The following COG4 variants were observed in gnomAD, a reference collection of about 807,000 sequenced individuals.
COG4 encodes the protein conserved oligomeric Golgi complex subunit 4.
Under a neutral mutation model 95.1 loss-of-function variants are expected in COG4, and 65 were observed. The observed-to-expected ratio is 0.68, with a 90% CI of 0.56 to 0.84. The LOEUF is 0.84. COG4 is among the 40% of genes least tolerant of loss of function. COG4 has a pLI of 0.00. For missense variants in COG4, 1,045 were observed against 989.1 expected, an observed-to-expected ratio of 1.06 and a Z score of -0.76; for synonymous variants, 421 against 374.8, an observed-to-expected ratio of 1.12 and a Z score of -1.42.
chr16:70,490,453 T>C, intron 12 of COG4, 61 bp from the exon 13 acceptor site: 1 of 1,362,256 alleles, frequency 7.3e-7, no homozygotes, highest in East Asian at 2.3e-5. Flanking sequence ...CCCACTCCAA[T>C]GCCAGACTGG....
rs2049664395 is a variant in COG4 at position 70,509,960 on chromosome 16, C to T, written c.800G>A (p.Arg267Lys). 2 of 1,613,998 alleles carry T rather than the reference C, an allele frequency of 1.2e-6. No homozygotes were observed. The highest frequency in any genetic ancestry group is 3.3e-5 in the Admixed American group (2 of 59,990). Residue 267 changes from arginine to lysine, a missense_variant, in exon 6 of 19, where the codon AGA becomes AAA. Physicochemically the swap from Arg to Lys is conservative, Grantham distance 26. Transcript: ENST00000323786. ...MVLGTDMSDR[R>K]AAVIFADTLT... ...TGTATCTGCAAAGATGACTGCAGCT[C>T]TCCGATCACTCATGTCTGTCCCCAG...
intron 2 of COG4, 129 bp from the exon 3 acceptor site, chr16:70,517,869 C>A: frequency 1.5e-6 from 1 of 686,110 alleles, no homozygotes; most frequent in Non-Finnish European, 2.6e-6. Context: ...TCAGTTTGCT[C>A]TATACTCAGC....
intron 8 of COG4, 54 bp from the exon 9 acceptor site, chr16:70,501,145 A>T: frequency 6.3e-7 from 1 of 1,597,836 alleles, no homozygotes; most frequent in Non-Finnish European, 8.5e-7. Context: ...CTTAGACACA[A>T]GAGCTACAGG....
At chr16:70,491,381 C>T (rs1443433850) in intron 12 of COG4, among the ~76,000 whole-genome samples, 1 of 151,620 alleles carries the variant, frequency 6.6e-6, no homozygotes, top group African/African-American at 2.4e-5. Flanking sequence ...ATTAGCCAGG[C>T]GTGGTGGTGC....
chr16:70,506,241 C>CA lies in COG4; in HGVS notation c.1061+2164dup, dbSNP rs796526256. ...TAAAACCCTGTCTCTACTAAAAATA[C>CA]AAAAAAAAAAAATTAGCTGGGCATG... On this transcript the variant is annotated intron_variant, in intron 8 of 18. Transcript: ENST00000323786. 1.9e-3 allele frequency among the ~76,000 whole-genome samples: 264 copies of CA among 138,644 alleles called. 2 individuals carry two copies. Among genetic ancestry groups the CA allele is most frequent in the East Asian group, 0.011 (52 of 4,768 alleles). 91.0% of individuals were successfully genotyped at this position (138,644 alleles called of 152,430 possible).
At chr16:70,502,525 C>CA (rs1567383937) in intron 8 of COG4, among the ~76,000 whole-genome samples, 1 of 128,470 alleles carries the variant, frequency 7.8e-6, no homozygotes, top group Admixed American at 8.3e-5. Context: ...CGCTTGAACC[C>CA]GAGAGGCGGA....
chr16:70,520,084 C>G (rs908530146), intron 1 of COG4, among the ~76,000 whole-genome samples: 1 of 151,906 alleles, frequency 6.6e-6, no homozygotes, highest in Non-Finnish European at 1.5e-5. Flanking sequence ...GGTGGATCAC[C>G]TGAGGTCAGG....
intron 7 of COG4, chr16:70,508,782 G>A (rs759900283): frequency 2.8e-5 from 16 of 578,420 alleles, no homozygotes; most frequent in African/African-American, 5.5e-5. Context: ...TTTCTATGTC[G>A]TACTTTTACT....
At chr16:70,488,801 T>A (rs2049186698) in intron 13 of COG4, among the ~76,000 whole-genome samples, 1 of 152,184 alleles carries the variant, frequency 6.6e-6, no homozygotes, top group Non-Finnish European at 1.5e-5. Context: ...TCCACCTGCC[T>A]CGGCCTCCCA....
At chr16:70,506,683 G>A (rs561704595) in intron 8 of COG4, among the ~76,000 whole-genome samples, 11 of 150,540 alleles carry the variant, frequency 7.3e-5, no homozygotes, top group South Asian at 4.2e-4. Flanking sequence ...CTACTCGGGA[G>A]GCTGAGGCTG....
chr16:70,520,496 G>A (rs563637701), intron 1 of COG4, among the ~76,000 whole-genome samples: 2 of 151,750 alleles, frequency 1.3e-5, no homozygotes, highest in South Asian at 2.1e-4. Context: ...GCTGGGTGTG[G>A]TGGCGGGGGC....
intron 12 of COG4, among the ~76,000 whole-genome samples, 196 bp from the exon 13 acceptor site, chr16:70,490,588 C>T (rs1325694119): frequency 3.3e-5 from 5 of 152,230 alleles, no homozygotes; most frequent in Admixed American, 3.3e-4. Context: ...AATGGGGAAG[C>T]AGGCTCGCCC....
rs200278473 is a variant in COG4 at position 70,501,079 on chromosome 16, G to A, written c.1074C>T (p.Pro358=). ...TEKIEPRELD[P]ILTEVTLMNA... Reference sequence around the variant, plus strand: ...TCATCAGGGTGACCTCAGTCAGGATGGGGTCCAGTTCTCTGAGACACATGG... The same window carrying A: ...TCATCAGGGTGACCTCAGTCAGGATAGGGTCCAGTTCTCTGAGACACATGG... The change falls in exon 9 of 19, where the codon CCC becomes CCT. Residue 358 remains proline (P), a synonymous_variant. Coordinates refer to ENST00000323786, the MANE Select transcript of COG4 (RefSeq NM_015386.3). 337 of 1,613,384 alleles carry A rather than the reference G, an allele frequency of 2.1e-4. No homozygotes were observed. Among genetic ancestry groups the A allele is most frequent in the Non-Finnish European group, 1.8e-4 (213 of 1,180,008 alleles).
Position 70,480,766 on chromosome 16 carries a change from C to T in COG4, c.*244G>A. The T allele has an allele frequency of 1.8e-6, 1 of 551,026 alleles. No homozygotes were observed. The highest frequency in any genetic ancestry group is 3.3e-6 in the Non-Finnish European group (1 of 306,534). The allele number at this position is 551,026 out of a possible 1,614,324, so 34.1% of individuals were successfully genotyped here. A position where few individuals can be genotyped will look rare whatever the true frequency, so the allele number is the denominator to read the frequency against. On this transcript the variant is annotated 3_prime_UTR_variant, in exon 19 of 19. Transcript: ENST00000323786. ...CTGGGCTGCTCGCTGCCTGCCGTGG[C>T]TTTCCCACCTCATTAGGAGCCCGCT...
chr16:70,497,888 C>G (rs776348598), intron 10 of COG4, 49 bp downstream of exon 10: 1 of 1,084,168 alleles, frequency 9.2e-7, no homozygotes, highest in South Asian at 1.2e-5. Flanking sequence ...CTCAGCCTGG[C>G]TTCTTGGACC....
intron 5 of COG4, among the ~76,000 whole-genome samples, chr16:70,510,350 C>CA (rs1368413453): frequency 6.6e-6 from 1 of 152,216 alleles, no homozygotes; most frequent in Non-Finnish European, 1.5e-5. Context: ...GACAGAAACT[C>CA]ACTCTGTTGC....
rs1202483157 is a variant in COG4 at position 70,490,318 on chromosome 16, T to C, written c.1710+12A>G. ...ATGGCTGCTGACCACTGATAGGCAATTTCCCTCGTACCTCCAGTGTCTTCT... is the reference window on the plus strand; with the variant it reads ...ATGGCTGCTGACCACTGATAGGCAACTTCCCTCGTACCTCCAGTGTCTTCT... On this transcript the variant is annotated intron_variant, in intron 13 of 18. Coordinates refer to ENST00000323786, the MANE Select transcript of COG4 (RefSeq NM_015386.3). 1 of 1,611,208 alleles carries C rather than the reference T, an allele frequency of 6.2e-7. No homozygotes were observed. The highest frequency in any genetic ancestry group is 8.5e-7 in the Non-Finnish European group (1 of 1,177,570).
At position 70,523,428 on chromosome 16, in the gene COG4, G is replaced by T; in HGVS notation, c.116C>A (p.Ser39Tyr). 1.2e-6 allele frequency: 2 copies of T among 1,614,056 alleles called. No individual in the cohort carries two copies. The highest frequency in any genetic ancestry group is 1.7e-6 in the Non-Finnish European group (2 of 1,179,964). The change falls in exon 1 of 19, where the codon TCC (serine) becomes TAC (tyrosine). Residue 39 changes from serine (S) to tyrosine (Y), a missense_variant. Ser to Tyr is a moderately radical substitution (Grantham distance 144). Transcript: ENST00000323786. ...CTCCAGCTCCTGCAGCTCTGTCAGG[G>T]AGCGAATGAGCTCAGCGGAGATTTC... ...CSEISAELIR[S>Y]LTELQELEAV...
chr16:70,509,718 G>A (rs577328073), intron 6 of COG4, among the ~76,000 whole-genome samples, 198 bp downstream of exon 6: 80 of 152,256 alleles, frequency 5.3e-4, no homozygotes, highest in Non-Finnish European at 1.0e-3. Flanking sequence ...GGGTTAGGTA[G>A]GATCAAAACA....
Sources: allele counts gnomAD v4.1 joint callset (sites outside exome capture counted in the v4.1 genomes callset), GRCh38; gene constraint gnomAD v4.1.1; transcripts MANE v1.5; gene names NCBI Gene and HGNC (gene_info 2026-07-23, HGNC 2026-07-21).